The following LRGUK variants were observed in gnomAD, a reference collection of about 807,000 sequenced individuals.
LRGUK encodes the protein leucine-rich repeat and guanylate kinase domain-containing protein.
LRGUK carries 65 observed loss-of-function variants against 76.0 expected under a neutral mutation model. The ratio of observed to expected loss-of-function variants is 0.85; its 90% CI spans 0.70 to 1.05. LRGUK has a LOEUF of 1.05. LRGUK is among the 50% of genes least tolerant of loss of function. The pLI is 0.00. For synonymous variants in LRGUK, 268 were observed against 265.6 expected (o/e 1.01, Z -0.09); for missense variants, 758 against 732.8 (o/e 1.03, Z -0.40).
At chr7:134,130,364 T>C (rs1179356618) in intron 1 of LRGUK, among the ~76,000 whole-genome samples, 1 of 42,302 alleles carries the variant, frequency 2.4e-5, no homozygotes, top group Non-Finnish European at 8.1e-5. Flanking sequence ...GCTCTTTGGC[T>C]ATGGGGTTCA....
At chr7:134,200,190 C>T (rs1473679678) in intron 14 of LRGUK, among the ~76,000 whole-genome samples, 2 of 151,046 alleles carry the variant, frequency 1.3e-5, no homozygotes, top group South Asian at 2.1e-4. Flanking sequence ...GTGCCCGCCA[C>T]CACGCCCAGC....
At chr7:134,207,274 T>C (rs909433814) in intron 15 of LRGUK, among the ~76,000 whole-genome samples, 4 of 152,304 alleles carry the variant, frequency 2.6e-5, no homozygotes, top group African/African-American at 9.6e-5. Context: ...TTCCAAAATT[T>C]GTCATTACCC....
At chr7:134,162,545 G>A (rs188030176) in intron 6 of LRGUK, among the ~76,000 whole-genome samples, 31 of 152,222 alleles carry the variant, frequency 2.0e-4, no homozygotes, top group African/African-American at 6.7e-4. Flanking sequence ...AGGGGACCAC[G>A]GCCAGGTGCA....
chr7:134,146,422 A>G (rs1488046098), intron 4 of LRGUK, among the ~76,000 whole-genome samples: 2 of 152,236 alleles, frequency 1.3e-5, no homozygotes, highest in African/African-American at 2.4e-5. Context: ...AAGCCCTATC[A>G]TGATAAGCTT....
intron 15 of LRGUK, among the ~76,000 whole-genome samples, chr7:134,203,201 C>CAA (rs374083038): frequency 6.9e-6 from 1 of 144,250 alleles, no homozygotes; most frequent in African/African-American, 2.5e-5. Context: ...AACTCCATCT[C>CAA]AAAAAAAAAA....
chr7:134,211,798 C>G (rs1274002191), downstream of LRGUK, among the ~76,000 whole-genome samples: 4 of 152,150 alleles, frequency 2.6e-5, no homozygotes, highest in Non-Finnish European at 4.4e-5. Flanking sequence ...TGATAGGAGT[C>G]CACTCTAAGC....
intron 12 of LRGUK, among the ~76,000 whole-genome samples, chr7:134,196,127 T>A (rs1222502741): frequency 6.6e-6 from 1 of 152,234 alleles, no homozygotes; most frequent in African/African-American, 2.4e-5. Context: ...ACTTCATTGT[T>A]TATTTCAAAA....
rs565616906 is a variant in LRGUK, at chr7:134,184,865, T to C, written c.1334+1012T>C. 1.4e-4 allele frequency among the ~76,000 whole-genome samples: 22 copies of C among 152,370 alleles called. 1 individual carries two copies. The highest frequency in any genetic ancestry group is 3.4e-3 in the Middle Eastern group (1 of 294). On this transcript the variant is annotated intron_variant, in intron 11 of 15. Coordinates refer to ENST00000645682, the Ensembl canonical transcript of LRGUK. ...TCTTTTTCATTAAGCATAAATGGCA[T>C]GTGAAGGCAGGCTTCTCCTGTTGCC...
rs574646488 is a variant in LRGUK, at chr7:134,171,649, A to G, written c.940-2907A>G. Among the ~76,000 whole-genome samples the G allele has an allele frequency of 2.0e-5, 3 of 152,196 alleles. No individual in the cohort carries two copies. The East Asian group carries it at 5.8e-4, about 29-fold the overall frequency. ...CAATAGGGGCAAAGGAGGTGAGAGAATGCGCTGGACTGGAGTCTGGGGATC... is the reference window on the plus strand; with the variant it reads ...CAATAGGGGCAAAGGAGGTGAGAGAGTGCGCTGGACTGGAGTCTGGGGATC... On this transcript the variant is annotated intron_variant, in intron 7 of 15. Transcript: ENST00000645682.
intron 7 of LRGUK, among the ~76,000 whole-genome samples, chr7:134,169,525 T>C (rs1413358592): frequency 6.6e-6 from 1 of 152,226 alleles, no homozygotes; most frequent in Admixed American, 6.5e-5. Context: ...TGATCTTTTG[T>C]AATTTCTGCT....
intron 16 of LRGUK, 127 bp from the exon 17 acceptor site, chr7:134,247,429 T>A (rs1802331633): frequency 1.7e-6 from 1 of 575,222 alleles, no homozygotes; most frequent in South Asian, 3.1e-5. Context: ...TTGTTTTTTA[T>A]GCCTTTTCCC....
intron 18 of LRGUK, among the ~76,000 whole-genome samples, chr7:134,256,579 T>C (rs1269341021): frequency 1.3e-5 from 2 of 152,170 alleles, no homozygotes; most frequent in East Asian, 1.9e-4. Context: ...AACCATTAAG[T>C]TGGAGAAGAG....
chr7:134,247,919 T>G (rs1263791854), intron 17 of LRGUK, among the ~76,000 whole-genome samples: 1 of 152,248 alleles, frequency 6.6e-6, no homozygotes, highest in Non-Finnish European at 1.5e-5. Flanking sequence ...TCTGGAGTTG[T>G]GGCTTCACCA....
chr7:134,208,073 T>A (rs530796366), intron 15 of LRGUK, among the ~76,000 whole-genome samples: 1 of 152,258 alleles, frequency 6.6e-6, no homozygotes, highest in East Asian at 1.9e-4. Flanking sequence ...CCTGGGGATG[T>A]GAGTGCGGGA....
downstream of LRGUK, among the ~76,000 whole-genome samples, chr7:134,211,295 G>A (rs1250950332): frequency 6.6e-6 from 1 of 152,210 alleles, no homozygotes; most frequent in African/African-American, 2.4e-5. Context: ...GTCCAGACAC[G>A]AATCCAACCT....
intron 10 of LRGUK, among the ~76,000 whole-genome samples, chr7:134,178,934 A>AAAAAAAAAAACAAACC (rs1799613943): frequency 2.6e-5 from 2 of 78,134 alleles, no homozygotes; most frequent in South Asian, 1.2e-3. Flanking sequence ...CTCAAAAAAA[A>AAAAAAAAAAACAAACC]AAAAAAAAAA....
At chr7:134,184,579 A>G (rs1239036274) in intron 11 of LRGUK, among the ~76,000 whole-genome samples, 1 of 151,920 alleles carries the variant, frequency 6.6e-6, no homozygotes, top group African/African-American at 2.4e-5. Context: ...GAAACAAAAT[A>G]ATTTTTCTTT....
chr7:134,190,750 A>T (rs753325278), intron 11 of LRGUK, among the ~76,000 whole-genome samples: 31 of 152,214 alleles, frequency 2.0e-4, no homozygotes, highest in Non-Finnish European at 4.0e-4. Context: ...CATTTTACAA[A>T]AATTTATCAA....
At chr7:134,265,834 C>T (rs1258889265), downstream of LRGUK, among the ~76,000 whole-genome samples, 2 of 152,162 alleles carry the variant, frequency 1.3e-5, no homozygotes, top group Non-Finnish European at 2.9e-5. Context: ...TGAGGAACCT[C>T]TTCTCCTTCC....
Sources: allele counts gnomAD v4.1 joint callset (sites outside exome capture counted in the v4.1 genomes callset), GRCh38; gene constraint gnomAD v4.1.1; transcripts MANE v1.5; gene names NCBI Gene and HGNC (gene_info 2026-07-23, HGNC 2026-07-21).